ADGRB3: variants seen among roughly 807,000 people sequenced by gnomAD.
The protein encoded by ADGRB3 is adhesion G protein-coupled receptor B3.
In ADGRB3, 37 loss-of-function variants were observed where a neutral mutation model predicts 193.4. That is an observed-to-expected ratio of 0.19 (90% CI 0.15 to 0.25). The LOEUF is 0.25. Among genes scored for constraint, ADGRB3 ranks in the 10% least tolerant of loss-of-function variants. The pLI is 1.00. For missense variants in ADGRB3, 1,637 were observed against 1,852.9 expected (o/e 0.88, Z 2.14); for synonymous variants, 690 against 644.2 (o/e 1.07, Z -1.08).
intron 3 of ADGRB3, among the ~76,000 whole-genome samples, chr6:68,838,062 T>C (rs1197044077): frequency 6.6e-6 from 1 of 151,944 alleles, no homozygotes; most frequent in Admixed American, 6.6e-5. Flanking sequence ...AAAGAAAAAA[T>C]GTACAGGAAA....
In ADGRB3 at chr6:68,843,752, A is replaced by T. The variant is rs143367420; in HGVS notation, c.758-86807A>T. On this transcript the variant is annotated intron_variant, in intron 3 of 31. Coordinates refer to ENST00000370598, the MANE Select transcript of ADGRB3 (RefSeq NM_001704.3). The stretch of plus-strand genomic sequence containing the variant: ...CAAAAAGAATAAAACTGGAGGAATC[A>T]CATTACCTGACTTCAAATTAAACTA... Among the ~76,000 whole-genome samples the T allele has an allele frequency of 1.1e-4, 16 of 152,292 alleles. No homozygotes were observed. In the East Asian group the frequency reaches 3.1e-3, roughly 29 times the overall value.
At chr6:69,247,909 G>T (rs932928837) in intron 20 of ADGRB3, among the ~76,000 whole-genome samples, 1 of 151,980 alleles carries the variant, frequency 6.6e-6, no homozygotes, top group African/African-American at 2.4e-5. Flanking sequence ...TATTATTGTT[G>T]TATTGTTGCC....
chr6:69,295,988 C>A (rs1023407758), intron 20 of ADGRB3, among the ~76,000 whole-genome samples: 4 of 152,140 alleles, frequency 2.6e-5, no homozygotes, highest in Admixed American at 2.6e-4. Context: ...AATATATATT[C>A]TACTTGGTGG....
At chr6:68,833,140 A>G (rs1767985013) in intron 3 of ADGRB3, among the ~76,000 whole-genome samples, 1 of 152,184 alleles carries the variant, frequency 6.6e-6, no homozygotes, top group Non-Finnish European at 1.5e-5. Flanking sequence ...GATCATATGT[A>G]TACAATTGAC....
chr6:68,714,605 TA>T (rs1009057065), intron 3 of ADGRB3, among the ~76,000 whole-genome samples: 4 of 151,810 alleles, frequency 2.6e-5, no homozygotes, highest in African/African-American at 9.6e-5. Flanking sequence ...GTAATGAAGA[TA>T]AAGGGAAAAA....
At chr6:68,878,977 C>T (rs560830028) in intron 3 of ADGRB3, among the ~76,000 whole-genome samples, 1 of 151,984 alleles carries the variant, frequency 6.6e-6, no homozygotes, top group Non-Finnish European at 1.5e-5. Context: ...AAGACCTGTG[C>T]CCATGATTCA....
At chr6:68,909,000 G>A (rs1317070506) in intron 3 of ADGRB3, among the ~76,000 whole-genome samples, 3 of 152,112 alleles carry the variant, frequency 2.0e-5, no homozygotes, top group African/African-American at 7.2e-5. Flanking sequence ...ATGAAATCCT[G>A]TCAATATCCT....
chr6:69,170,809 G>C (rs1775252857), intron 17 of ADGRB3, among the ~76,000 whole-genome samples: 1 of 152,118 alleles, frequency 6.6e-6, no homozygotes, highest in Non-Finnish European at 1.5e-5. Flanking sequence ...GGGGAATTCA[G>C]ATATGGAATT....
chr6:68,767,482 A>C (rs1018754371), intron 3 of ADGRB3, among the ~76,000 whole-genome samples: 1 of 152,196 alleles, frequency 6.6e-6, no homozygotes, highest in Non-Finnish European at 1.5e-5. Context: ...CTTTGATATA[A>C]TTCAACACCC....
intron 7 of ADGRB3, 28 bp downstream of exon 7, chr6:68,956,216 G>A (rs529718086): frequency 8.9e-6 from 14 of 1,579,936 alleles, no homozygotes; most frequent in Middle Eastern, 1.7e-4. Context: ...CATATCATGG[G>A]CACTCGTACC....
intron 15 of ADGRB3, among the ~76,000 whole-genome samples, chr6:69,054,028 A>G (rs766953733): frequency 6.6e-6 from 1 of 152,222 alleles, no homozygotes; most frequent in Admixed American, 6.5e-5. Context: ...CTGTTAAGAC[A>G]TGAAAAATGT....
chr6:68,648,000 A>C (rs2127279093), intron 3 of ADGRB3, among the ~76,000 whole-genome samples: 1 of 152,286 alleles, frequency 6.6e-6, no homozygotes, highest in East Asian at 1.9e-4. Flanking sequence ...TATTTTCATA[A>C]GGTAAAATTT....
chr6:68,657,380 T>G (rs1258984778), intron 3 of ADGRB3, among the ~76,000 whole-genome samples: 2 of 151,460 alleles, frequency 1.3e-5, no homozygotes, highest in Non-Finnish European at 1.5e-5. Context: ...GTATTAGTCT[T>G]TAAAGAATGC....
intron 3 of ADGRB3, among the ~76,000 whole-genome samples, chr6:68,912,115 A>T (rs1766729279): frequency 6.6e-6 from 1 of 152,084 alleles, no homozygotes; most frequent in Admixed American, 6.5e-5. Context: ...TTTACTAAGA[A>T]TAATTGAGTA....
chr6:69,100,156 G>C (rs911542307), intron 17 of ADGRB3, among the ~76,000 whole-genome samples: 14 of 152,090 alleles, frequency 9.2e-5, no homozygotes, highest in African/African-American at 3.1e-4. Context: ...ATTTGCAAGG[G>C]AATATTTCTG....
chr6:68,960,341 G>A (rs996838564), intron 8 of ADGRB3, among the ~76,000 whole-genome samples: 2 of 152,084 alleles, frequency 1.3e-5, no homozygotes, highest in South Asian at 2.1e-4. Context: ...TACAATATTA[G>A]CAACTTAGAC....
chr6:68,713,082 AT>A (rs890300771), intron 3 of ADGRB3, among the ~76,000 whole-genome samples: 4 of 151,774 alleles, frequency 2.6e-5, no homozygotes, highest in Non-Finnish European at 5.9e-5. Context: ...GAATCAGCAG[AT>A]TTTTTTACTT....
At chr6:69,195,217 T>C (rs1227173176) in intron 17 of ADGRB3, among the ~76,000 whole-genome samples, 1 of 152,188 alleles carries the variant, frequency 6.6e-6, no homozygotes, top group East Asian at 1.9e-4. Context: ...CAATTGCAGA[T>C]ACTACTCTTA....
intron 15 of ADGRB3, among the ~76,000 whole-genome samples, chr6:69,051,995 A>G (rs1174366404): frequency 6.6e-6 from 1 of 152,090 alleles, no homozygotes; most frequent in Non-Finnish European, 1.5e-5. Context: ...GGTTCACACC[A>G]TTCTCCTGCC....
Sources: gnomAD v4.1 joint callset for allele counts (sites outside exome capture counted in the v4.1 genomes callset) on GRCh38, gnomAD v4.1.1 for gene constraint, MANE v1.5 for transcripts, NCBI Gene and HGNC (gene_info 2026-07-23, HGNC 2026-07-21) for gene names.